The following RNLS variants were observed in gnomAD, a reference collection of about 807,000 sequenced individuals.
RNLS encodes the protein renalase.
RNLS carries 39 observed loss-of-function variants against 39.8 expected under a neutral mutation model. The observed-to-expected ratio is 0.98, with a 90% CI of 0.76 to 1.28. The LOEUF (loss-of-function observed/expected upper bound fraction) is 1.28, where lower values mean the gene tolerates loss of function less well. Among genes scored for constraint, RNLS ranks in the 50% most tolerant of loss-of-function variants. The pLI, the probability that RNLS is intolerant of heterozygous loss-of-function variation, is 0.00. For missense variants in RNLS, 410 were observed against 413.3 expected, an observed-to-expected ratio of 0.99 and a Z score of 0.07; for synonymous variants, 147 against 150.7, an observed-to-expected ratio of 0.98 and a Z score of 0.18.
intron 4 of RNLS, among the ~76,000 whole-genome samples, chr10:88,551,126 G>A (rs1327029533): frequency 6.6e-6 from 1 of 152,052 alleles, no homozygotes; most frequent in Non-Finnish European, 1.5e-5. Flanking sequence ...CCTTAACTGC[G>A]CCGTCTCTTC....
chr10:88,325,221 A>G (rs939634311), intron 5 of RNLS, among the ~76,000 whole-genome samples: 3 of 152,142 alleles, frequency 2.0e-5, no homozygotes, highest in Non-Finnish European at 2.9e-5. Context: ...TAACCACATC[A>G]TTTTCCATAG....
At position 88,536,328 on chromosome 10, in the gene RNLS, C is replaced by T. The variant is rs114174716; in HGVS notation, c.526+36575G>A. On this transcript the variant is annotated intron_variant, in intron 4 of 6. Coordinates refer to ENST00000331772, the MANE Select transcript of RNLS (RefSeq NM_001031709.3). ...CAAAAAGCAACCGTCAATTCTCAGC[C>T]CACTTTCTCCTTTGCGCAAGCAATC... 1.9e-3 allele frequency among the ~76,000 whole-genome samples: 294 copies of T among 152,268 alleles called. 1 individual carries two copies. The highest frequency in any genetic ancestry group is 6.8e-3 in the African/African-American group (283 of 41,566).
At chr10:88,519,388 T>C (rs193018217) in intron 4 of RNLS, among the ~76,000 whole-genome samples, 1 of 151,968 alleles carries the variant, frequency 6.6e-6, no homozygotes, top group African/African-American at 2.4e-5. Flanking sequence ...TAATTATCAT[T>C]CCCTTAATCT....
At chr10:88,222,174 G>A in the RNLS span, among the ~76,000 whole-genome samples, 2 of 152,176 alleles carry the variant, frequency 1.3e-5, no homozygotes, top group Non-Finnish European at 2.9e-5. Flanking sequence ...CTGGTGGGTA[G>A]ATTCAAGTGG....
intron 4 of RNLS, among the ~76,000 whole-genome samples, chr10:88,538,643 G>A (rs1847897409): frequency 6.6e-6 from 1 of 151,510 alleles, no homozygotes; most frequent in Non-Finnish European, 1.5e-5. Context: ...ATCTTATGAG[G>A]GCCTAATTAT....
At chr10:88,549,827 T>C (rs1434953001) in intron 4 of RNLS, among the ~76,000 whole-genome samples, 1 of 152,250 alleles carries the variant, frequency 6.6e-6, no homozygotes, top group Non-Finnish European at 1.5e-5. Context: ...TAATTTGTTA[T>C]ATATTCACAA....
intron 4 of RNLS, among the ~76,000 whole-genome samples, chr10:88,571,542 G>A (rs1201360221): frequency 3.3e-5 from 5 of 152,290 alleles, no homozygotes; most frequent in Middle Eastern, 6.8e-3. Context: ...TCAATTCTGA[G>A]TTTCTATGAT....
intron 6 of RNLS, among the ~76,000 whole-genome samples, chr10:88,302,666 T>C (rs1442854498): frequency 1.3e-5 from 2 of 152,212 alleles, no homozygotes; most frequent in Admixed American, 6.5e-5. Flanking sequence ...TGATGATATG[T>C]TGAAGAATAT....
At chr10:88,278,466 G>A (rs1178577987) in intron 6 of RNLS, among the ~76,000 whole-genome samples, 1 of 152,118 alleles carries the variant, frequency 6.6e-6, no homozygotes, top group East Asian at 1.9e-4. Flanking sequence ...GAAAAAATAA[G>A]AATGTCAGTC....
intron 4 of RNLS, among the ~76,000 whole-genome samples, chr10:88,485,295 C>T (rs1390453349): frequency 6.6e-6 from 1 of 151,682 alleles, no homozygotes; most frequent in Non-Finnish European, 1.5e-5. Context: ...AGTAGAGAGT[C>T]CGGAAATAGA....
At chr10:88,189,865 T>C in the RNLS span, among the ~76,000 whole-genome samples, 1 of 152,258 alleles carries the variant, frequency 6.6e-6, no homozygotes, top group Non-Finnish European at 1.5e-5. Flanking sequence ...ATTGTTTTTC[T>C]GTCCATTCTC....
At chr10:88,575,206 A>C (rs11595396) in intron 3 of RNLS, among the ~76,000 whole-genome samples, 1 of 31,384 alleles carries the variant, frequency 3.2e-5, no homozygotes, top group African/African-American at 1.6e-4. Flanking sequence ...CTATATATAT[A>C]TGTGTGTGTA....
chr10:88,512,201 A>G (rs1310359950), intron 4 of RNLS, among the ~76,000 whole-genome samples: 1 of 152,146 alleles, frequency 6.6e-6, no homozygotes, highest in East Asian at 1.9e-4. Flanking sequence ...AGCTATTTGT[A>G]TTACTTTCTT....
the RNLS span, among the ~76,000 whole-genome samples, chr10:88,263,660 G>T: frequency 6.6e-6 from 1 of 152,000 alleles, no homozygotes; most frequent in Non-Finnish European, 1.5e-5. Flanking sequence ...AAATAGGGGG[G>T]TATTGTTAAG....
chr10:88,519,722 A>ATGATATATATC (rs1554917182), intron 4 of RNLS, among the ~76,000 whole-genome samples: 14 of 142,192 alleles, frequency 9.8e-5, no homozygotes, highest in African/African-American at 2.9e-4. Flanking sequence ...TCACATATAT[A>ATGATATATATC]TGATATATAT....
rs1248367077 is a variant in RNLS, at chr10:88,314,457, T to C, written c.876+9A>G. The C allele has an allele frequency of 2.5e-6, 4 of 1,613,260 alleles. No individual in the cohort carries two copies. The highest frequency in any genetic ancestry group is 3.4e-6 in the Non-Finnish European group (4 of 1,179,486). The stretch of plus-strand genomic sequence containing the variant: ...TTGTTGTGCTTAGACCACTGGATTC[T>C]TTGATTACCTGTGAATGTCTCCATT... On this transcript the variant is annotated intron_variant, in intron 6 of 6. Coordinates refer to ENST00000331772, the MANE Select transcript of RNLS (RefSeq NM_001031709.3).
chr10:88,441,885 G>A (rs2096194), intron 4 of RNLS, among the ~76,000 whole-genome samples: 108,590 of 152,076 alleles, frequency 0.71, 40,017 homozygotes, highest in African/African-American at 0.91. Context: ...GCTCCTAGCT[G>A]TGATGCCTTC....
chr10:88,496,683 G>T (rs1339154602), intron 4 of RNLS, among the ~76,000 whole-genome samples: 2 of 152,086 alleles, frequency 1.3e-5, no homozygotes, highest in Non-Finnish European at 2.9e-5. Flanking sequence ...TCCTTCTAAA[G>T]AACACTTGAT....
chr10:88,508,574 G>A (rs1329887434), intron 4 of RNLS, among the ~76,000 whole-genome samples: 2 of 152,144 alleles, frequency 1.3e-5, no homozygotes, highest in East Asian at 3.9e-4. Context: ...TGAGTTGTTA[G>A]TAATGATGGT....
Sources: allele counts gnomAD v4.1 joint callset (sites outside exome capture counted in the v4.1 genomes callset), GRCh38; gene constraint gnomAD v4.1.1; transcripts MANE v1.5; gene names NCBI Gene and HGNC (gene_info 2026-07-23, HGNC 2026-07-21).